PPP4R3A: variants seen among roughly 807,000 people sequenced by gnomAD.
PPP4R3A encodes the protein protein phosphatase 4 regulatory subunit 3A.
Under a neutral mutation model 91.7 loss-of-function variants are expected in PPP4R3A, and 15 were observed. That is an observed-to-expected ratio of 0.16 (90% CI 0.11 to 0.25). The LOEUF is 0.25. Among genes scored for constraint, PPP4R3A ranks in the 10% least tolerant of loss-of-function variants. The pLI is 1.00. For synonymous variants in PPP4R3A, 377 were observed against 348.7 expected, an observed-to-expected ratio of 1.08 and a Z score of -0.91; for missense variants, 623 against 998.4, an observed-to-expected ratio of 0.62 and a Z score of 5.07.
At chr14:91,466,127 T>TAAG (rs1888458615) in intron 10 of PPP4R3A, 1 of 509,356 alleles carries the variant, frequency 2.0e-6, no homozygotes, top group Admixed American at 6.4e-5. Context: ...TATGGGGAGT[T>TAAG]ACTTAAGTCA....
intron 4 of PPP4R3A, among the ~76,000 whole-genome samples, chr14:91,480,463 G>A (rs1014055618): frequency 1.3e-5 from 2 of 152,192 alleles, no homozygotes; most frequent in African/African-American, 4.8e-5. Flanking sequence ...GATACATGCA[G>A]TTATAATTTG....
chr14:91,487,065 G>A (rs1316198033), intron 2 of PPP4R3A, among the ~76,000 whole-genome samples: 1 of 151,682 alleles, frequency 6.6e-6, no homozygotes, highest in Non-Finnish European at 1.5e-5. Context: ...TGGCCAACAG[G>A]TAAAGCCCCG....
At chr14:91,495,179 CA>C (rs1890462202) in intron 1 of PPP4R3A, among the ~76,000 whole-genome samples, 1 of 151,962 alleles carries the variant, frequency 6.6e-6, no homozygotes, top group African/African-American at 2.4e-5. Flanking sequence ...CAGATAAATT[CA>C]ATGTGGCATA....
At chr14:91,481,142 G>A (rs550498741) in intron 4 of PPP4R3A, among the ~76,000 whole-genome samples, 1 of 152,272 alleles carries the variant, frequency 6.6e-6, no homozygotes, top group East Asian at 1.9e-4. Context: ...AGGCCAGCCT[G>A]GGCAGTATGA....
chr14:91,461,107 T>C (rs553475225), intron 14 of PPP4R3A, among the ~76,000 whole-genome samples: 2 of 152,218 alleles, frequency 1.3e-5, no homozygotes, highest in South Asian at 2.1e-4. Context: ...TTTCTGTAAA[T>C]GTTTTGACAT....
chr14:91,498,839 G>A (rs990655291), intron 1 of PPP4R3A, among the ~76,000 whole-genome samples: 12 of 151,642 alleles, frequency 7.9e-5, no homozygotes, highest in African/African-American at 2.2e-4. Flanking sequence ...GCATGAACCC[G>A]GGAGGCGGAG....
chr14:91,484,298 T>A (rs1427197962), intron 3 of PPP4R3A, among the ~76,000 whole-genome samples: 2 of 152,184 alleles, frequency 1.3e-5, no homozygotes, highest in African/African-American at 2.4e-5. Context: ...GGAAAAACTG[T>A]GCTAAGGACA....
At chr14:91,473,159 T>C (rs888898212) in intron 8 of PPP4R3A, 24 bp from the exon 9 acceptor site, 36 of 1,613,622 alleles carry the variant, frequency 2.2e-5, no homozygotes, top group Non-Finnish European at 2.9e-5. Context: ...AACAATTCCA[T>C]GAACTTTAAC....
At chr14:91,468,719 T>C (rs1268762040) in intron 10 of PPP4R3A, among the ~76,000 whole-genome samples, 4 of 122,836 alleles carry the variant, frequency 3.3e-5, no homozygotes, top group Admixed American at 8.9e-5. Flanking sequence ...CCAAGTATAC[T>C]TTGTCCACAT....
In PPP4R3A at chr14:91,482,111, G is replaced by C. The variant is rs1321945223; in HGVS notation, c.380C>G (p.Ser127Trp). 1 of 1,614,076 alleles carries C rather than the reference G, an allele frequency of 6.2e-7. No homozygotes were observed. The highest frequency in any genetic ancestry group is 8.5e-7 in the Non-Finnish European group (1 of 1,180,026). The change falls in exon 4 of 15, where the codon TCG becomes TGG. Residue 127 changes from serine (S) to tryptophan (W), a missense_variant. Transcript: ENST00000554943. ...ACAAGATGGCAATTCTAAGCCTGGC[G>C]ATGACATATCATCAAAACGCTCCTC... Reference protein sequence around the residue: ...SEEERFDDMSSPGLELPSCEL... With the variant: ...SEEERFDDMSWPGLELPSCEL...
chr14:91,484,642 C>A (rs1052126134), intron 3 of PPP4R3A, among the ~76,000 whole-genome samples: 2 of 152,290 alleles, frequency 1.3e-5, no homozygotes, highest in South Asian at 4.1e-4. Flanking sequence ...TTGGACCCTA[C>A]TTGCAGTTTT....
chr14:91,476,398 C>A lies in PPP4R3A; in HGVS notation c.1110+10G>T. The A allele has an allele frequency of 3.2e-6, 5 of 1,557,034 alleles. No individual in the cohort carries two copies. Among genetic ancestry groups the A allele is most frequent in the Non-Finnish European group, 2.6e-6 (3 of 1,144,998 alleles). ...AATGGTAATTAAAAATGAGGAGACA[C>A]AAAACTTACAAGGATGACTTCTAAA... On this transcript the variant is annotated intron_variant, in intron 6 of 14. Coordinates refer to ENST00000554943, the MANE Select transcript of PPP4R3A (RefSeq NM_001366432.2).
At chr14:91,478,120 G>A (rs568915160) in intron 4 of PPP4R3A, among the ~76,000 whole-genome samples, 3 of 152,266 alleles carry the variant, frequency 2.0e-5, no homozygotes, top group South Asian at 2.1e-4. Flanking sequence ...GTGGCACTAA[G>A]TTAGTTTGGT....
In PPP4R3A at chr14:91,507,494, ATAG is replaced by A. The variant is rs1421446290; in HGVS notation, c.142+2009_142+2011del. On this transcript the variant is annotated intron_variant, in intron 1 of 14. Coordinates refer to ENST00000554943, the MANE Select transcript of PPP4R3A (RefSeq NM_001366432.2). ...TATATACTATAGTTATATATACTAT[ATAG>A]AATATATGCTATAATTATATATACT... Among the ~76,000 whole-genome samples, 11 of 138,262 alleles carry A rather than the reference ATAG, an allele frequency of 8.0e-5. 1 individual carries two copies. Among genetic ancestry groups the A allele is most frequent in the African/African-American group, 2.8e-4 (10 of 35,342 alleles). 90.7% of individuals were successfully genotyped at this position (138,262 alleles called of 152,430 possible). A position where few individuals can be genotyped will look rare whatever the true frequency, so the allele number is the denominator to read the frequency against.
At chr14:91,509,071 G>T (rs1891593297) in intron 1 of PPP4R3A, among the ~76,000 whole-genome samples, 1 of 152,242 alleles carries the variant, frequency 6.6e-6, no homozygotes, top group African/African-American at 2.4e-5. Flanking sequence ...GTTCTTCAAA[G>T]TGTGAAAGGT....
rs746871715 is a variant in PPP4R3A at position 91,462,742 on chromosome 14, G to A, written c.1966C>T (p.Leu656Phe). ...AAATATATGGTAATTTACCTGTCAA[G>A]TTTGGGATTATCTTGCCTTTCTCTT... ...QQRERQDNPK[L>F]DSMRSILRNH... Residue 656 changes from leucine to phenylalanine, a missense_variant, in exon 12 of 15, where the codon CTT becomes TTT. By Grantham distance (22) the Leu-to-Phe change is conservative. Around this residue, in one of 5 missense-constraint regions of PPP4R3A, gnomAD observed 201 missense variants for 229.9 expected, o/e 0.87. Transcript: ENST00000554943. The A allele has an allele frequency of 1.2e-6, 2 of 1,613,668 alleles. No homozygotes were observed. Among genetic ancestry groups the A allele is most frequent in the East Asian group, 2.2e-5 (1 of 44,790 alleles).
chr14:91,470,351 A>G (rs1888760883), intron 10 of PPP4R3A, among the ~76,000 whole-genome samples: 1 of 152,198 alleles, frequency 6.6e-6, no homozygotes, highest in South Asian at 2.1e-4. Flanking sequence ...TCTTGTTATG[A>G]GACTATATTG....
intron 1 of PPP4R3A, among the ~76,000 whole-genome samples, chr14:91,505,854 T>A (rs903460017): frequency 1.7e-4 from 26 of 152,152 alleles, no homozygotes; most frequent in African/African-American, 6.3e-4. Flanking sequence ...TATCCTATGA[T>A]GGAGAATGGA....
At chr14:91,488,907 CTTTTTTTTTTT>C (rs10691130) in intron 2 of PPP4R3A, among the ~76,000 whole-genome samples, 1 of 122,864 alleles carries the variant, frequency 8.1e-6, no homozygotes, top group South Asian at 2.6e-4. Flanking sequence ...ATAGATACCA[CTTTTTTTTTTT>C]TTTTTTTGAG....
Sources: allele counts gnomAD v4.1 joint callset (sites outside exome capture counted in the v4.1 genomes callset), GRCh38; gene constraint gnomAD v4.1.1; regional missense constraint gnomAD v4.1.1; transcripts MANE v1.5; gene names NCBI Gene and HGNC (gene_info 2026-07-23, HGNC 2026-07-21).